Variants in DENND4C observed in about 807,000 individuals in gnomAD.
DENND4C encodes the protein DENN domain-containing protein 4C.
A neutral mutation model predicts 203.0 loss-of-function variants in DENND4C; 108 were observed. That is an observed-to-expected ratio of 0.53 (90% CI 0.46 to 0.62). The LOEUF (loss-of-function observed/expected upper bound fraction) is 0.62. Among genes scored for constraint, DENND4C ranks in the 20% least tolerant of loss-of-function variants. The pLI, the probability that DENND4C is intolerant of heterozygous loss-of-function variation, is 0.00. For synonymous variants in DENND4C, 871 were observed against 792.4 expected (o/e 1.10, Z -1.67); for missense variants, 2,481 against 2,301.2 (o/e 1.08, Z -1.60).
At chr9:19,282,081 A>T (rs1458263025) in intron 2 of DENND4C, among the ~76,000 whole-genome samples, 1 of 152,134 alleles carries the variant, frequency 6.6e-6, no homozygotes, top group African/African-American at 2.4e-5. Flanking sequence ...TAGCTTTATT[A>T]TAGCCTTTTT....
At chr9:19,240,796 G>A (rs1321860429) in intron 1 of DENND4C, among the ~76,000 whole-genome samples, 3 of 152,012 alleles carry the variant, frequency 2.0e-5, no homozygotes, top group Non-Finnish European at 4.4e-5. Context: ...GTGAAACTGT[G>A]TCTCTACTAA....
At chr9:19,305,561 A>T (rs1406071097) in intron 10 of DENND4C, 34 bp downstream of exon 10, 1 of 1,576,144 alleles carries the variant, frequency 6.3e-7, no homozygotes, top group South Asian at 1.1e-5. Flanking sequence ...TCTCCCATTT[A>T]TATTTTTCAC....
chr9:19,314,494 AT>A lies in DENND4C; in HGVS notation c.1488-1922del, dbSNP rs533958090. ...CTACTTGGGTGATGGGTGCACCTAA[AT>A]CTCAGAAATCACCACTAAAGAACTA... On this transcript the variant is annotated intron_variant, in intron 10 of 32. Coordinates refer to ENST00000434457, the MANE Select transcript of DENND4C (RefSeq NM_001330640.2). 4.2e-3 allele frequency among the ~76,000 whole-genome samples: 647 copies of A among 152,252 alleles called. 2 individuals carry two copies. The highest frequency in any genetic ancestry group is 0.015 in the African/African-American group (623 of 41,556).
rs60484849 is a variant in DENND4C, at chr9:19,328,657, G to GTCTATCTATCTA, written c.2253+523_2253+534dup. ...TGTCTGTCTGTCTGTCTGTCTGTCTGTCTATCTATCTATCTATCTATCTAT... is the reference window on the plus strand; with the variant it reads ...TGTCTGTCTGTCTGTCTGTCTGTCTGTCTATCTATCTATCTATCTATCTATCTATCTATCTAT... On this transcript the variant is annotated intron_variant, in intron 16 of 32. Transcript: ENST00000434457. 5.3e-3 allele frequency among the ~76,000 whole-genome samples: 629 copies of GTCTATCTATCTA among 119,366 alleles called. 2 individuals are homozygous for GTCTATCTATCTA. Among genetic ancestry groups the GTCTATCTATCTA allele is most frequent in the Admixed American group, 9.8e-3 (121 of 12,328 alleles). 78.3% of individuals were successfully genotyped at this position (119,366 alleles called of 152,430 possible).
chr9:19,283,699 G>A (rs897110999), intron 2 of DENND4C, among the ~76,000 whole-genome samples: 17 of 141,508 alleles, frequency 1.2e-4, no homozygotes, highest in Admixed American at 1.2e-3. Context: ...GCAACTCCGC[G>A]CCCCCTCACC....
At chr9:19,236,821 C>T (rs1304454951) in intron 1 of DENND4C, among the ~76,000 whole-genome samples, 4 of 152,206 alleles carry the variant, frequency 2.6e-5, no homozygotes, top group Non-Finnish European at 5.9e-5. Flanking sequence ...AATTTTTTCC[C>T]TCAGAGCGTT....
chr9:19,313,817 C>A (rs1052071529), intron 10 of DENND4C, among the ~76,000 whole-genome samples: 3 of 152,158 alleles, frequency 2.0e-5, no homozygotes, highest in African/African-American at 7.2e-5. Flanking sequence ...AAACTCATAA[C>A]CCATTAGTTG....
intron 1 of DENND4C, among the ~76,000 whole-genome samples, chr9:19,274,717 A>G (rs1376984831): frequency 6.6e-6 from 1 of 152,222 alleles, no homozygotes; most frequent in Non-Finnish European, 1.5e-5. Context: ...TTTACATGGT[A>G]TTTATGGAAA....
At position 19,340,935 on chromosome 9, in the gene DENND4C, A is replaced by G. The variant is rs147590828; in HGVS notation, c.2882-57A>G. 2.8e-5 allele frequency: 40 copies of G among 1,446,862 alleles called. No homozygotes were observed. In the East Asian group the frequency reaches 7.3e-4, roughly 26 times the overall value. The allele number at this position is 1,446,862 out of a possible 1,614,324, so 89.6% of individuals were successfully genotyped here. A position where few individuals can be genotyped will look rare whatever the true frequency, so the allele number is the denominator to read the frequency against. ...AGTGGAATTTTCTTGTGATTTTTATATATGAATTATAAGTATATGAAAACA... is the reference window on the plus strand; with the variant it reads ...AGTGGAATTTTCTTGTGATTTTTATGTATGAATTATAAGTATATGAAAACA... On this transcript the variant is annotated intron_variant, in intron 20 of 32. Coordinates refer to ENST00000434457, the MANE Select transcript of DENND4C (RefSeq NM_001330640.2).
intron 1 of DENND4C, among the ~76,000 whole-genome samples, chr9:19,252,719 AC>A (rs1225325607): frequency 1.7e-3 from 30 of 17,964 alleles, no homozygotes; most frequent in African/African-American, 6.0e-3. Context: ...GTATACACAC[AC>A]ACACACACAC....
At chr9:19,252,287 A>G (rs1826814900) in intron 1 of DENND4C, among the ~76,000 whole-genome samples, 1 of 152,198 alleles carries the variant, frequency 6.6e-6, no homozygotes, top group Non-Finnish European at 1.5e-5. Flanking sequence ...CCATGAGAAC[A>G]GCATGGGAAA....
At position 19,335,092 on chromosome 9, in the gene DENND4C, G is replaced by T; in HGVS notation, c.2576G>T (p.Gly859Val). 1 of 1,595,820 alleles carries T rather than the reference G, an allele frequency of 6.3e-7. No homozygotes were observed. Among genetic ancestry groups the T allele is most frequent in the South Asian group, 1.1e-5 (1 of 87,424 alleles). Reference sequence around the variant, plus strand: ...ATAAAGCCTAATGCTATTACTTATGGTTATTATAATAAGGTAAGTAGGATC... The same window carrying T: ...ATAAAGCCTAATGCTATTACTTATGTTTATTATAATAAGGTAAGTAGGATC... Reference protein sequence around the residue: ...ARIKPNAITYGYYNKVVLESP... With the variant: ...ARIKPNAITYVYYNKVVLESP... The change falls in exon 18 of 33, where the codon GGT becomes GTT. Residue 859 changes from glycine to valine, a missense_variant. This residue lies in a region of DENND4C where 2,289 missense variants were observed against 2,113.3 expected (regional missense o/e 1.08). Transcript: ENST00000434457.
chr9:19,276,233 A>T lies in DENND4C; in HGVS notation c.59A>T (p.Asp20Val). Residue 20 changes from aspartate to valine, a missense_variant, in exon 2 of 33, where the codon GAC becomes GTC. Physicochemically the swap from Asp to Val is radical, Grantham distance 152. Transcript: ENST00000434457. ...TACTTTGTCGTAGCTGGTCTCACTG[A>T]CACATCTACTCTTTTGGATCAAGAA... ...TDYFVVAGLT[D>V]TSTLLDQEIN... 8.1e-7 allele frequency: 1 copy of T among 1,232,080 alleles called. No homozygotes were observed. Among genetic ancestry groups the T allele is most frequent in the Non-Finnish European group, 1.0e-6 (1 of 987,886 alleles). The allele number at this position is 1,232,080 out of a possible 1,614,324, so 76.3% of individuals were successfully genotyped here.
intron 15 of DENND4C, among the ~76,000 whole-genome samples, chr9:19,326,921 A>G (rs1188376983): frequency 6.6e-6 from 1 of 152,064 alleles, no homozygotes; most frequent in Non-Finnish European, 1.5e-5. Context: ...TTATTTAACT[A>G]GCCTCATGGA....
At chr9:19,349,771 A>G (rs1203441937) in intron 23 of DENND4C, among the ~76,000 whole-genome samples, 2 of 152,232 alleles carry the variant, frequency 1.3e-5, no homozygotes, top group African/African-American at 4.8e-5. Flanking sequence ...GTATATCAGT[A>G]AAACAGATTA....
At chr9:19,351,814 A>AAAG (rs1824199612) in intron 24 of DENND4C, among the ~76,000 whole-genome samples, 1 of 147,646 alleles carries the variant, frequency 6.8e-6, no homozygotes, top group African/African-American at 2.7e-5. Flanking sequence ...CTAAAAAAAA[A>AAAG]AAAAAGAAAA....
At chr9:19,327,246 G>T (rs1818020483) in intron 15 of DENND4C, among the ~76,000 whole-genome samples, 2 of 151,962 alleles carry the variant, frequency 1.3e-5, no homozygotes, top group Admixed American at 1.3e-4. Flanking sequence ...TTGGCCAAAA[G>T]AAATAAGTAG....
chr9:19,278,344 G>C (rs559810765), intron 2 of DENND4C, among the ~76,000 whole-genome samples: 2 of 152,164 alleles, frequency 1.3e-5, no homozygotes, highest in African/African-American at 4.8e-5. Context: ...TCACCATATT[G>C]GCAAAGCTGG....
intron 1 of DENND4C, among the ~76,000 whole-genome samples, chr9:19,263,994 T>A (rs1384823643): frequency 6.6e-6 from 1 of 152,144 alleles, no homozygotes; most frequent in Non-Finnish European, 1.5e-5. Flanking sequence ...TGTCTGGTTT[T>A]GGTAACAGGT....
Sources: gnomAD v4.1 joint callset for allele counts (sites outside exome capture counted in the v4.1 genomes callset) on GRCh38, gnomAD v4.1.1 for gene constraint, gnomAD v4.1.1 regional missense constraint, MANE v1.5 for transcripts, NCBI Gene and HGNC (gene_info 2026-07-23, HGNC 2026-07-21) for gene names.